Variants in EDNRA observed in about 807,000 individuals in gnomAD.
EDNRA encodes endothelin receptor type A.
In EDNRA, 11 loss-of-function variants were observed where a neutral mutation model predicts 41.4. The ratio of observed to expected loss-of-function variants is 0.27; its 90% CI spans 0.17 to 0.44. EDNRA has a LOEUF of 0.44. EDNRA is among the 20% of genes least tolerant of loss of function. The pLI, the probability that EDNRA is intolerant of heterozygous loss-of-function variation, is 1.00. For synonymous variants in EDNRA, 172 were observed against 183.0 expected (o/e 0.94, Z 0.49); for missense variants, 294 against 531.0 (o/e 0.55, Z 4.39).
rs1578812849 is a variant in EDNRA at position 147,532,841 on chromosome 4, G to A, written c.747+137G>A. 9.2e-6 allele frequency: 8 copies of A among 869,622 alleles called. No homozygotes were observed. The East Asian group carries it at 1.8e-4, about 20-fold the overall frequency. 53.9% of individuals were successfully genotyped at this position (869,622 alleles called of 1,614,324 possible). A position where few individuals can be genotyped will look rare whatever the true frequency, so the allele number is the denominator to read the frequency against. The stretch of plus-strand genomic sequence containing the variant: ...CAAATATTCCTCAGTTGCATGAAAA[G>A]TAGATGTTAAACCTGTGTCTAGATT... On this transcript the variant is annotated intron_variant, in intron 4 of 7. Transcript: ENST00000651419.
chr4:147,523,499 T>TTG lies in EDNRA; in HGVS notation c.548+3522_548+3523insGT, dbSNP rs796291794. Among the ~76,000 whole-genome samples the TTG allele has an allele frequency of 2.7e-3, 395 of 148,298 alleles. 7 individuals carry two copies. The highest frequency in any genetic ancestry group is 9.0e-3 in the African/African-American group (360 of 39,810). On this transcript the variant is annotated intron_variant, in intron 3 of 7. Coordinates refer to ENST00000651419, the MANE Select transcript of EDNRA (RefSeq NM_001957.4). ...GTTGTTGTTTTTTTGTTTTTTTTGT[T>TTG]TTTTTTTTTGAGATGGAGTCTTGCT...
chr4:147,509,610 C>A (rs75092505), intron 2 of EDNRA, among the ~76,000 whole-genome samples: 6 of 152,156 alleles, frequency 3.9e-5, no homozygotes, highest in Non-Finnish European at 7.3e-5. Context: ...CCCCATCACT[C>A]GCATTACCTC....
intron 3 of EDNRA, among the ~76,000 whole-genome samples, chr4:147,525,167 T>C (rs1730490371): frequency 6.6e-6 from 1 of 152,226 alleles, no homozygotes; most frequent in East Asian, 1.9e-4. Flanking sequence ...CAATCAATGA[T>C]TACAGAATGA....
chr4:147,538,937 G>A lies in EDNRA; in HGVS notation c.901-880G>A, dbSNP rs191770552. On this transcript the variant is annotated intron_variant, in intron 5 of 7. Transcript: ENST00000651419. ...CCCAGTTACAGACAAGTTGCATTTT[G>A]TGTTCCTAGTCAGGCTTCTAAATGC... Among the ~76,000 whole-genome samples the A allele has an allele frequency of 1.3e-5, 2 of 152,208 alleles. 1 individual carries two copies. Among genetic ancestry groups the A allele is most frequent in the Admixed American group, 1.3e-4 (2 of 15,290 alleles).
chr4:147,496,779 CATT>C (rs1293073571), intron 2 of EDNRA, among the ~76,000 whole-genome samples: 1 of 152,168 alleles, frequency 6.6e-6, no homozygotes, highest in Non-Finnish European at 1.5e-5. Context: ...CAGTCATTCT[CATT>C]ATTGTATAGC....
chr4:147,521,657 C>T (rs1730324527), intron 3 of EDNRA, among the ~76,000 whole-genome samples: 1 of 152,186 alleles, frequency 6.6e-6, no homozygotes, highest in Non-Finnish European at 1.5e-5. Flanking sequence ...GCACCTATTA[C>T]ATTGCTAATA....
chr4:147,504,139 A>G (rs1374883308), intron 2 of EDNRA, among the ~76,000 whole-genome samples: 1 of 152,188 alleles, frequency 6.6e-6, no homozygotes, highest in Admixed American at 6.5e-5. Flanking sequence ...ACAAAAAAAA[A>G]TGTCGTTTAA....
intron 2 of EDNRA, among the ~76,000 whole-genome samples, chr4:147,504,205 G>C (rs997726563): frequency 6.6e-6 from 1 of 152,076 alleles, no homozygotes; most frequent in Non-Finnish European, 1.5e-5. Flanking sequence ...TCTTTGATAC[G>C]ACATCAAAAC....
At chr4:147,508,588 T>C (rs1262033495) in intron 2 of EDNRA, among the ~76,000 whole-genome samples, 1 of 152,244 alleles carries the variant, frequency 6.6e-6, no homozygotes, top group Non-Finnish European at 1.5e-5. Context: ...TTTTAGAGGC[T>C]TAGCTCTTAC....
chr4:147,514,101 T>G (rs1730014722), intron 2 of EDNRA, among the ~76,000 whole-genome samples: 1 of 152,212 alleles, frequency 6.6e-6, no homozygotes, highest in Non-Finnish European at 1.5e-5. Flanking sequence ...TTTGCAGAAT[T>G]CTTTCATATG....
intron 2 of EDNRA, among the ~76,000 whole-genome samples, chr4:147,499,431 C>T (rs1729430573): frequency 6.6e-6 from 1 of 152,128 alleles, no homozygotes; most frequent in South Asian, 2.1e-4. Context: ...GGCATAATGA[C>T]ATAAAGTAGG....
chr4:147,491,873 A>G (rs188797359), intron 2 of EDNRA: 9 of 152,330 alleles, frequency 5.9e-5, no homozygotes. Flanking sequence ...TCACTGGTGC[A>G]TTGTATTCCA....
rs59851236 is a variant in EDNRA at position 147,532,325 on chromosome 4, C to CAAAAAAAAAAAAAAA, written c.549-170_549-156dup. 1.0e-3 allele frequency among the ~76,000 whole-genome samples: 63 copies of CAAAAAAAAAAAAAAA among 60,386 alleles called. 1 individual carries two copies. Among genetic ancestry groups the CAAAAAAAAAAAAAAA allele is most frequent in the African/African-American group, 3.8e-3 (61 of 15,944 alleles). 39.6% of individuals were successfully genotyped at this position (60,386 alleles called of 152,430 possible). A position where few individuals can be genotyped will look rare whatever the true frequency, so the allele number is the denominator to read the frequency against. ...TGAGCAACAGAGCGAGATTTTGCCT[C>CAAAAAAAAAAAAAAA]AAAAAAAAAAAAAAAAAAAAAAAAA... On this transcript the variant is annotated intron_variant, in intron 3 of 7. Coordinates refer to ENST00000651419, the MANE Select transcript of EDNRA (RefSeq NM_001957.4).
In EDNRA at chr4:147,486,313, G is replaced by C. The variant is rs1015772266; in HGVS notation, c.420+212G>C. Among the ~76,000 whole-genome samples, 6 of 152,240 alleles carry C rather than the reference G, an allele frequency of 3.9e-5. No homozygotes were observed. The highest frequency in any genetic ancestry group is 1.4e-4 in the African/African-American group (6 of 41,544). ...TTTCTACCTTAATTGTAACAAAATA[G>C]TATTTCAGGGATGATGGTTCAAAAT... On this transcript the variant is annotated intron_variant, in intron 2 of 7. Coordinates refer to ENST00000651419, the MANE Select transcript of EDNRA (RefSeq NM_001957.4). This position sits in a 1 kb window ranked among gnomAD's most constrained non-coding sequence, Gnocchi z 4.3.
chr4:147,500,730 C>T (rs1348814719), intron 2 of EDNRA, among the ~76,000 whole-genome samples: 2 of 142,592 alleles, frequency 1.4e-5, no homozygotes, highest in Non-Finnish European at 3.0e-5. Context: ...AGGGGAGCTA[C>T]AGGGGATGGA....
chr4:147,534,761 A>G (rs1730862416), intron 4 of EDNRA, among the ~76,000 whole-genome samples: 1 of 152,172 alleles, frequency 6.6e-6, no homozygotes. Flanking sequence ...CTTTAATGTA[A>G]TTGGTTTCCA....
At chr4:147,521,153 G>A (rs552304795) in intron 3 of EDNRA, among the ~76,000 whole-genome samples, 25 of 152,020 alleles carry the variant, frequency 1.6e-4, no homozygotes, top group South Asian at 8.3e-4. Flanking sequence ...AGCTATTCAG[G>A]AGGCTAAGGT....
intron 3 of EDNRA, 58 bp downstream of exon 3, chr4:147,520,036 A>C: frequency 6.4e-7 from 1 of 1,554,836 alleles, no homozygotes; most frequent in Non-Finnish European, 8.7e-7. Context: ...TTTTTCTCAA[A>C]AAGAAGAAAA....
intron 3 of EDNRA, among the ~76,000 whole-genome samples, chr4:147,524,842 G>A (rs867986899): frequency 1.1e-4 from 17 of 151,926 alleles, no homozygotes; most frequent in Middle Eastern, 3.4e-3. Flanking sequence ...AATTCCTGAA[G>A]ATAAGATTCC....
Sources: allele counts gnomAD v4.1 joint callset (sites outside exome capture counted in the v4.1 genomes callset), GRCh38; gene constraint gnomAD v4.1.1; non-coding constraint Gnocchi (gnomAD v3.1); transcripts MANE v1.5; gene names NCBI Gene and HGNC (gene_info 2026-07-23, HGNC 2026-07-21).